The following DPP10 variants were observed in gnomAD, a reference collection of about 807,000 sequenced individuals.
DPP10 encodes dipeptidyl peptidase like 10.
Under a neutral mutation model 120.9 loss-of-function variants are expected in DPP10, and 33 were observed. That is an observed-to-expected ratio of 0.27 (90% CI 0.21 to 0.37). The LOEUF (loss-of-function observed/expected upper bound fraction) is 0.37. Among genes scored for constraint, DPP10 ranks in the 10% least tolerant of loss-of-function variants. The pLI, the probability that DPP10 is intolerant of heterozygous loss-of-function variation, is 1.00. For missense variants in DPP10, 816 were observed against 942.8 expected (o/e 0.87, Z 1.76); for synonymous variants, 337 against 326.1 (o/e 1.03, Z -0.36).
intron 1 of DPP10, among the ~76,000 whole-genome samples, chr2:114,457,269 C>T (rs1304937864): frequency 6.6e-6 from 1 of 152,188 alleles, no homozygotes; most frequent in Non-Finnish European, 1.5e-5. Context: ...TTGGGCCAGA[C>T]CACTCTTTGC....
At chr2:115,778,015 G>A (rs1160996469) in intron 15 of DPP10, among the ~76,000 whole-genome samples, 181 bp downstream of exon 15, 2 of 152,108 alleles carry the variant, frequency 1.3e-5, no homozygotes, top group African/African-American at 4.8e-5. Context: ...GGAGAAAATG[G>A]AGCCCTGCTT....
At chr2:114,764,149 T>C (rs945157070) in intron 1 of DPP10, among the ~76,000 whole-genome samples, 1 of 152,168 alleles carries the variant, frequency 6.6e-6, no homozygotes, top group African/African-American at 2.4e-5. Context: ...CTAAATGATA[T>C]TGCAGTGAAC....
At chr2:115,537,034 A>G (rs2078890727) in intron 5 of DPP10, among the ~76,000 whole-genome samples, 2 of 152,186 alleles carry the variant, frequency 1.3e-5, no homozygotes, top group African/African-American at 4.8e-5. Flanking sequence ...GTAAAACATA[A>G]TGGAGTCATC....
At chr2:115,667,966 G>A (rs1202394689) in intron 5 of DPP10, among the ~76,000 whole-genome samples, 1 of 151,836 alleles carries the variant, frequency 6.6e-6, no homozygotes, top group Non-Finnish European at 1.5e-5. Flanking sequence ...TTAATATACA[G>A]ATGATTAATA....
intron 1 of DPP10, among the ~76,000 whole-genome samples, chr2:114,804,709 C>T: frequency 6.6e-6 from 1 of 152,110 alleles, no homozygotes; most frequent in African/African-American, 2.4e-5. Flanking sequence ...ATACACATAC[C>T]CCATCGTAAC....
chr2:115,038,582 A>C (rs1039197834), intron 1 of DPP10, among the ~76,000 whole-genome samples: 9 of 152,134 alleles, frequency 5.9e-5, no homozygotes, highest in African/African-American at 2.2e-4. Flanking sequence ...CAGCCTCAGC[A>C]CATATTTATT....
chr2:115,277,087 A>G (rs1424034149), intron 1 of DPP10, among the ~76,000 whole-genome samples: 2 of 152,238 alleles, frequency 1.3e-5, no homozygotes, highest in African/African-American at 2.4e-5. Context: ...CATAGCTTTT[A>G]TAATACTTAT....
intron 3 of DPP10, among the ~76,000 whole-genome samples, chr2:115,407,013 G>T (rs368875918): frequency 1.8e-3 from 275 of 152,230 alleles, no homozygotes; most frequent in Middle Eastern, 6.8e-3. Context: ...GAATTTATTG[G>T]ATGAAAATAA....
intron 5 of DPP10, among the ~76,000 whole-genome samples, chr2:115,540,023 G>C (rs2079085859): frequency 1.3e-5 from 2 of 151,864 alleles, no homozygotes; most frequent in Admixed American, 1.3e-4. Flanking sequence ...AGCTCAAAGA[G>C]AGTGTATAGT....
rs79855880 is a variant in DPP10, at chr2:115,816,424, G to A, written c.1950+695G>A. On this transcript the variant is annotated intron_variant, in intron 21 of 25. Transcript: ENST00000410059. ...CCACAGAAAAAAACTAGCAAGTATCGCAATCTTAGGAAAACAGACACAGGC... is the reference window on the plus strand; with the variant it reads ...CCACAGAAAAAAACTAGCAAGTATCACAATCTTAGGAAAACAGACACAGGC... Among the ~76,000 whole-genome samples the A allele has an allele frequency of 8.5e-3, 1,293 of 152,072 alleles. 21 individuals are homozygous for A. Among genetic ancestry groups the A allele is most frequent in the African/African-American group, 0.027 (1,139 of 41,496 alleles).
intron 1 of DPP10, among the ~76,000 whole-genome samples, chr2:114,628,444 C>T (rs563755350): frequency 6.6e-6 from 1 of 152,212 alleles, no homozygotes; most frequent in East Asian, 1.9e-4. Context: ...ATTGTCCCAT[C>T]ATTTTATTAG....
At chr2:114,904,515 A>T (rs553986776) in intron 1 of DPP10, among the ~76,000 whole-genome samples, 2 of 152,240 alleles carry the variant, frequency 1.3e-5, no homozygotes, top group African/African-American at 4.8e-5. Context: ...GGAAGACATT[A>T]TTAAACAAAA....
chr2:114,942,783 T>G (rs1172040416), intron 1 of DPP10, among the ~76,000 whole-genome samples: 2 of 152,100 alleles, frequency 1.3e-5, no homozygotes, highest in East Asian at 3.9e-4. Context: ...AAGAACAAAG[T>G]TTTTATGAGC....
At chr2:115,305,202 TCCAGATGA>T (rs1350765155) in intron 1 of DPP10, among the ~76,000 whole-genome samples, 1 of 152,018 alleles carries the variant, frequency 6.6e-6, no homozygotes, top group Admixed American at 6.6e-5. Context: ...GACCAAAGCA[TCCAGATGA>T]CCATGTTGCA....
At chr2:115,217,666 A>T (rs926880996) in intron 1 of DPP10, among the ~76,000 whole-genome samples, 2 of 152,200 alleles carry the variant, frequency 1.3e-5, no homozygotes, top group African/African-American at 4.8e-5. Flanking sequence ...CCTGTTCTAA[A>T]GCATCTGATC....
At chr2:115,592,280 G>C (rs2082708052) in intron 5 of DPP10, among the ~76,000 whole-genome samples, 1 of 152,164 alleles carries the variant, frequency 6.6e-6, no homozygotes, top group Non-Finnish European at 1.5e-5. Flanking sequence ...TGTAAGGCAG[G>C]TTATAAGAGA....
intron 19 of DPP10, among the ~76,000 whole-genome samples, chr2:115,806,678 T>C (rs7605007): frequency 0.12 from 18,594 of 152,170 alleles, 1,311 homozygotes; most frequent in African/African-American, 0.18. Context: ...TCCTTCGATA[T>C]GTAGCCTATA....
At chr2:114,909,323 T>A (rs922243784) in intron 1 of DPP10, among the ~76,000 whole-genome samples, 3 of 152,070 alleles carry the variant, frequency 2.0e-5, no homozygotes, top group Middle Eastern at 3.4e-3. Flanking sequence ...TTATTTAAAA[T>A]TCAAGATAAA....
intron 1 of DPP10, chr2:115,162,076 A>T: frequency 6.8e-7 from 1 of 1,479,048 alleles, no homozygotes; most frequent in Non-Finnish European, 9.0e-7. Context: ...GGGTGGCTCC[A>T]GTGCGCGCTC....
Sources: allele counts gnomAD v4.1 joint callset (sites outside exome capture counted in the v4.1 genomes callset), GRCh38; gene constraint gnomAD v4.1.1; transcripts MANE v1.5; gene names NCBI Gene and HGNC (gene_info 2026-07-23, HGNC 2026-07-21).